The following LRRC37A2 variants were observed in gnomAD, a reference collection of about 807,000 sequenced individuals.
LRRC37A2 encodes the protein leucine rich repeat containing 37 member A2, also known as leucine-rich repeat-containing protein 37A2.
A neutral mutation model predicts 68.8 loss-of-function variants in LRRC37A2; 9 were observed. That is an observed-to-expected ratio of 0.13 (90% confidence interval 0.08 to 0.23). The LOEUF (loss-of-function observed/expected upper bound fraction) is 0.23. Ranked by LOEUF, LRRC37A2 falls within the 10% of genes least tolerant of loss-of-function variation. The pLI, the probability that LRRC37A2 is intolerant of heterozygous loss-of-function variation, is 1.00. For synonymous variants in LRRC37A2, 63 were observed against 367.6 expected, an observed-to-expected ratio of 0.17 and a Z score of 9.48; for missense variants, 168 against 950.4, an observed-to-expected ratio of 0.18 and a Z score of 10.82.
the LRRC37A2 span, chr17:46,875,175 G>A: frequency 9.9e-6 from 16 of 1,614,016 alleles, no homozygotes; most frequent in East Asian, 8.9e-5. Flanking sequence ...GGCCTGCAGC[G>A]CTGGGCGCAT....
the LRRC37A2 span, chr17:46,851,755 C>T: frequency 9.5e-7 from 1 of 1,051,556 alleles, no homozygotes; most frequent in Non-Finnish European, 1.2e-6. This position sits in a 1 kb window ranked among gnomAD's most constrained non-coding sequence, Gnocchi z 4.3. Flanking sequence ...CCCCGGCCTG[C>T]CTGTCTCTCC....
chr17:46,819,501 G>A, the LRRC37A2 span, among the ~76,000 whole-genome samples: 1 of 152,186 alleles, frequency 6.6e-6, no homozygotes, highest in Non-Finnish European at 1.5e-5. The surrounding 1 kb of genome is among the most constrained non-coding windows in gnomAD (Gnocchi z 5.3). Context: ...CCTCTGGCCC[G>A]GGTCGGAGGC....
chr17:46,942,371 C>A, the LRRC37A2 span, among the ~76,000 whole-genome samples: 1 of 152,210 alleles, frequency 6.6e-6, no homozygotes, highest in Non-Finnish European at 1.5e-5. Flanking sequence ...CTTATGTTCT[C>A]CATCATTTAT....
At chr17:47,044,594 T>C in the LRRC37A2 span, among the ~76,000 whole-genome samples, 57 of 151,660 alleles carry the variant, frequency 3.8e-4, 2 homozygotes, top group South Asian at 0.01. Context: ...TGTGGCAAAG[T>C]ATTAGCAACT....
the LRRC37A2 span, among the ~76,000 whole-genome samples, chr17:46,928,357 A>G: frequency 1.3e-5 from 2 of 152,156 alleles, no homozygotes; most frequent in African/African-American, 4.8e-5. Context: ...ATTGCTCACG[A>G]TGCAGAATGG....
At chr17:47,008,463 AT>A in the LRRC37A2 span, among the ~76,000 whole-genome samples, 186 of 134,148 alleles carry the variant, frequency 1.4e-3, no homozygotes, top group African/African-American at 2.2e-3. Flanking sequence ...ATAGATACTT[AT>A]TTTTTTTTTT....
chr17:46,902,305 A>C, the LRRC37A2 span, among the ~76,000 whole-genome samples: 1 of 152,202 alleles, frequency 6.6e-6, no homozygotes, highest in African/African-American at 2.4e-5. Flanking sequence ...TTGATTGTGA[A>C]GAAATGGAGG....
At chr17:46,854,082 C>T in the LRRC37A2 span, among the ~76,000 whole-genome samples, 1 of 152,146 alleles carries the variant, frequency 6.6e-6, no homozygotes, top group Non-Finnish European at 1.5e-5. Context: ...GACACAAAAG[C>T]CACCACCACC....
At chr17:46,873,696 T>C in the LRRC37A2 span, among the ~76,000 whole-genome samples, 1 of 151,048 alleles carries the variant, frequency 6.6e-6, no homozygotes, top group South Asian at 2.1e-4. Flanking sequence ...CCGTCTCTAC[T>C]AAAAATACAA....
chr17:46,940,704 T>G, the LRRC37A2 span: 1 of 1,607,146 alleles, frequency 6.2e-7, no homozygotes, highest in Non-Finnish European at 8.5e-7. Context: ...GCACCAGTGC[T>G]TTCCACACTT....
At chr17:47,019,368 A>T in the LRRC37A2 span, 1 of 1,610,604 alleles carries the variant, frequency 6.2e-7, no homozygotes, top group Non-Finnish European at 8.5e-7. Flanking sequence ...CCTGGAGCTT[A>T]CCATAACTAC....
At chr17:47,005,712 T>C in the LRRC37A2 span, 2 of 152,216 alleles carry the variant, frequency 1.3e-5, no homozygotes, top group African/African-American at 2.4e-5. Flanking sequence ...GGACATAGCA[T>C]AGAATAGCTA....
the LRRC37A2 span, among the ~76,000 whole-genome samples, chr17:46,497,869 G>A: frequency 6.7e-6 from 1 of 149,142 alleles, no homozygotes; most frequent in Non-Finnish European, 1.5e-5. Flanking sequence ...ACATGTGATA[G>A]TCCTCAGCAT....
At chr17:46,789,325 T>G in the LRRC37A2 span, among the ~76,000 whole-genome samples, 143 of 152,320 alleles carry the variant, frequency 9.4e-4, no homozygotes, top group African/African-American at 3.4e-3. Flanking sequence ...CCTGACCAGC[T>G]GGCTACTGGG....
chr17:46,823,792 G>A, the LRRC37A2 span, among the ~76,000 whole-genome samples: 3 of 152,262 alleles, frequency 2.0e-5, no homozygotes, highest in East Asian at 5.8e-4. Context: ...TAGAAGGGAG[G>A]GAATGGGGTG....
chr17:46,494,146 A>G, the LRRC37A2 span, among the ~76,000 whole-genome samples: 18 of 151,040 alleles, frequency 1.2e-4, no homozygotes, highest in Admixed American at 8.5e-4. Context: ...TGCCTGGCCA[A>G]TTTCTTACTG....
At chr17:46,865,188 T>C in the LRRC37A2 span, among the ~76,000 whole-genome samples, 1 of 152,322 alleles carries the variant, frequency 6.6e-6, no homozygotes, top group Admixed American at 6.5e-5. Context: ...AAGCATTTCC[T>C]TCACAGATGT....
the LRRC37A2 span, among the ~76,000 whole-genome samples, chr17:46,742,336 A>G: frequency 8.5e-5 from 13 of 152,214 alleles, no homozygotes; most frequent in African/African-American, 2.7e-4. Context: ...GAAAGTAATA[A>G]TGAAGGAGTG....
At chr17:46,696,317 C>A in the LRRC37A2 span, among the ~76,000 whole-genome samples, 1 of 139,982 alleles carries the variant, frequency 7.1e-6, no homozygotes, top group Non-Finnish European at 1.5e-5. Flanking sequence ...GAGTTAATAC[C>A]CCGACTGCAA....
Sources: allele counts gnomAD v4.1 joint callset (sites outside exome capture counted in the v4.1 genomes callset), GRCh38; gene constraint gnomAD v4.1.1; non-coding constraint Gnocchi (gnomAD v3.1); transcripts MANE v1.5; gene names NCBI Gene and HGNC (gene_info 2026-07-23, HGNC 2026-07-21).